Variants in GNPAT observed in about 807,000 individuals in gnomAD.
GNPAT encodes glyceronephosphate O-acyltransferase.
In GNPAT, 30 loss-of-function variants were observed where a neutral mutation model predicts 78.4. That is an observed-to-expected ratio of 0.38 (90% CI 0.29 to 0.52). GNPAT has a LOEUF of 0.52. Among genes scored for constraint, GNPAT ranks in the 20% least tolerant of loss-of-function variants. GNPAT has a pLI of 0.84. For missense variants in GNPAT, 714 were observed against 812.2 expected (o/e 0.88, Z 1.47); for synonymous variants, 271 against 281.1 (o/e 0.96, Z 0.36).
chr1:231,274,723 G>C (rs545257587), intron 12 of GNPAT, among the ~76,000 whole-genome samples: 63 of 152,220 alleles, frequency 4.1e-4, no homozygotes, highest in African/African-American at 1.5e-3. Context: ...CCCACTTCCT[G>C]GTGCTTGTGG....
intron 4 of GNPAT, among the ~76,000 whole-genome samples, chr1:231,264,056 ATTGTG>A (rs1261322866): frequency 1.3e-5 from 2 of 152,028 alleles, no homozygotes; most frequent in African/African-American, 4.8e-5. Flanking sequence ...CACTCTGTTG[ATTGTG>A]TTATTTGATG....
At chr1:231,267,295 A>G (rs1685415469) in intron 8 of GNPAT, among the ~76,000 whole-genome samples, 1 of 152,196 alleles carries the variant, frequency 6.6e-6, no homozygotes, top group Non-Finnish European at 1.5e-5. Context: ...TTATTATATA[A>G]TCTGTTAAGT....
chr1:231,251,209 C>G, intron 2 of GNPAT, 66 bp downstream of exon 2: 1 of 935,398 alleles, frequency 1.1e-6, no homozygotes, highest in Non-Finnish European at 1.7e-6. Context: ...AATTCTATAA[C>G]TTATTTTGCT....
chr1:231,258,622 A>ATTTTTTT lies in GNPAT; in HGVS notation c.262-1864_262-1858dup, dbSNP rs748666053. Among the ~76,000 whole-genome samples, 36 of 73,790 alleles carry ATTTTTTT rather than the reference A, an allele frequency of 4.9e-4. 8 individuals carry two copies. The highest frequency in any genetic ancestry group is 1.2e-3 in the African/African-American group (20 of 16,880). The allele number at this position is 73,790 out of a possible 152,430, so 48.4% of individuals were successfully genotyped here. On this transcript the variant is annotated intron_variant, in intron 2 of 15. Transcript: ENST00000366647. ...TTTATGTTATGTGTATTTTAATGCA[A>ATTTTTTT]TTTTTTTTTTTTTTTTTTTTTTTTT...
At chr1:231,245,969 C>T (rs1313731991) in intron 1 of GNPAT, among the ~76,000 whole-genome samples, 12 of 144,010 alleles carry the variant, frequency 8.3e-5, no homozygotes. Flanking sequence ...AACTCTGTCT[C>T]AAAAAAAAAA....
chr1:231,259,472 A>G (rs1685160253), intron 2 of GNPAT, among the ~76,000 whole-genome samples: 2 of 151,804 alleles, frequency 1.3e-5, no homozygotes. Flanking sequence ...ACATGGAGAA[A>G]CCCCGTCTCT....
chr1:231,255,622 AC>A (rs1176689116), intron 2 of GNPAT, among the ~76,000 whole-genome samples: 1 of 151,992 alleles, frequency 6.6e-6, no homozygotes, highest in Non-Finnish European at 1.5e-5. Flanking sequence ...TTTTTGTAGG[AC>A]AGGATCCCGC....
chr1:231,244,290 T>C (rs1158818121), intron 1 of GNPAT, among the ~76,000 whole-genome samples: 1 of 152,156 alleles, frequency 6.6e-6, no homozygotes, highest in Non-Finnish European at 1.5e-5. Flanking sequence ...GGGTAGGGAA[T>C]CTGATGCATA....
intron 1 of GNPAT, among the ~76,000 whole-genome samples, chr1:231,243,777 A>G (rs1023096328): frequency 6.6e-6 from 1 of 152,226 alleles, no homozygotes; most frequent in Admixed American, 6.5e-5. Context: ...AAGTAGGCAG[A>G]TATTTCCTAA....
At chr1:231,277,403 C>T in intron 15 of GNPAT, 96 bp from the exon 16 acceptor site, 2 of 808,006 alleles carry the variant, frequency 2.5e-6, no homozygotes, top group Non-Finnish European at 2.2e-6. Flanking sequence ...GCACAAGTCT[C>T]CAGCTTCTCC....
chr1:231,247,510 G>A (rs1178497845), intron 1 of GNPAT, among the ~76,000 whole-genome samples: 1 of 152,190 alleles, frequency 6.6e-6, no homozygotes, highest in East Asian at 1.9e-4. Flanking sequence ...GTAAAGGGGA[G>A]AACCAGAATA....
chr1:231,268,684 G>A (rs1052563265), intron 9 of GNPAT, among the ~76,000 whole-genome samples: 1 of 151,456 alleles, frequency 6.6e-6, no homozygotes, highest in African/African-American at 2.4e-5. Flanking sequence ...GAGGCGGGCG[G>A]ATCACGAGGT....
At chr1:231,254,603 A>G (rs1390289248) in intron 2 of GNPAT, among the ~76,000 whole-genome samples, 3 of 150,164 alleles carry the variant, frequency 2.0e-5, no homozygotes, top group East Asian at 3.9e-4. Flanking sequence ...CACCATGCCC[A>G]GCTAATTTTT....
chr1:231,247,399 C>T (rs1054919378), intron 1 of GNPAT, among the ~76,000 whole-genome samples: 9 of 152,006 alleles, frequency 5.9e-5, no homozygotes, highest in Non-Finnish European at 8.8e-5. Flanking sequence ...AAGGGAGGCA[C>T]CAAATACGAG....
intron 8 of GNPAT, 31 bp from the exon 9 acceptor site, chr1:231,267,647 CTG>C: frequency 1.7e-6 from 2 of 1,184,380 alleles, no homozygotes; most frequent in Non-Finnish European, 2.5e-6. Flanking sequence ...AGTAACAGAA[CTG>C]TAATTTGTTG....
At chr1:231,276,824 G>A (rs1048176655) in intron 15 of GNPAT, among the ~76,000 whole-genome samples, 1 of 152,356 alleles carries the variant, frequency 6.6e-6, no homozygotes, top group South Asian at 2.1e-4. Flanking sequence ...AGAAAGGAGG[G>A]TGTTAACATT....
chr1:231,259,369 C>T (rs530828962), intron 2 of GNPAT, among the ~76,000 whole-genome samples: 8 of 152,130 alleles, frequency 5.3e-5, no homozygotes, highest in East Asian at 3.9e-4. Flanking sequence ...TTAATTTGGC[C>T]GGGTGTGGTG....
chr1:231,244,689 G>C (rs192210935), intron 1 of GNPAT, among the ~76,000 whole-genome samples: 1 of 152,324 alleles, frequency 6.6e-6, no homozygotes, highest in Non-Finnish European at 1.5e-5. Context: ...AGAGATCCAA[G>C]TAGGGTTAGA....
At position 231,277,513 on chromosome 1, in the gene GNPAT, A is replaced by C; in HGVS notation, c.2014A>C (p.Ile672Leu). The change falls in exon 16 of 16, where the codon ATA becomes CTA. Residue 672 changes from isoleucine to leucine, a missense_variant. By Grantham distance (5) the Ile-to-Leu change is conservative. Transcript: ENST00000366647. ...LEEMLGCKTP[I>L]GKPATAKL ...TTTCATCTTAGGTTGTAAGACACCAATAGGAAAACCAGCCACTGCAAAACT... is the reference window on the plus strand; with the variant it reads ...TTTCATCTTAGGTTGTAAGACACCACTAGGAAAACCAGCCACTGCAAAACT... The C allele has an allele frequency of 6.3e-7, 1 of 1,595,990 alleles. No individual in the cohort carries two copies. Among genetic ancestry groups the C allele is most frequent in the African/African-American group, 1.3e-5 (1 of 74,712 alleles).
Sources: allele counts gnomAD v4.1 joint callset (sites outside exome capture counted in the v4.1 genomes callset), GRCh38; gene constraint gnomAD v4.1.1; transcripts MANE v1.5; gene names NCBI Gene and HGNC (gene_info 2026-07-23, HGNC 2026-07-21).